The following PAPSS2 variants were observed in gnomAD, a reference collection of about 807,000 sequenced individuals.
PAPSS2 encodes 3'-phosphoadenosine 5'-phosphosulfate synthase 2.
PAPSS2 carries 61 observed loss-of-function variants against 66.5 expected under a neutral mutation model. The ratio of observed to expected loss-of-function variants is 0.92; its 90% CI spans 0.75 to 1.14. PAPSS2 has a LOEUF of 1.14. Ranked by LOEUF, PAPSS2 falls within the 50% of genes most tolerant of loss-of-function variation. The probability of loss-of-function intolerance (pLI) is 0.00; values close to 1 mark genes in which losing one functional copy is unlikely to be tolerated. For synonymous variants in PAPSS2, 289 were observed against 287.5 expected (o/e 1.01, Z -0.05); for missense variants, 708 against 789.6 (o/e 0.90, Z 1.24).
intron 3 of PAPSS2, 42 bp from the exon 4 acceptor site, chr10:87,714,002 C>A: frequency 6.2e-7 from 1 of 1,608,648 alleles, no homozygotes; most frequent in South Asian, 1.1e-5. Flanking sequence ...AGAATTTCAC[C>A]GTGAAACCTC....
intron 1 of PAPSS2, chr10:87,661,027 A>G (rs1476534679): frequency 1.9e-4 from 86 of 455,880 alleles, no homozygotes; most frequent in Non-Finnish European, 3.7e-4. Flanking sequence ...ACCTCTCTCT[A>G]GTAGATAGAC....
At chr10:87,717,637 A>G (rs1225888708) in intron 7 of PAPSS2, among the ~76,000 whole-genome samples, 1 of 152,132 alleles carries the variant, frequency 6.6e-6, no homozygotes, top group East Asian at 1.9e-4. Context: ...ATCATAGCTC[A>G]CTGAAGCCTT....
At chr10:87,675,790 T>C (rs1852936288) in intron 1 of PAPSS2, among the ~76,000 whole-genome samples, 1 of 152,152 alleles carries the variant, frequency 6.6e-6, no homozygotes, top group African/African-American at 2.4e-5. Context: ...TGGATCTGTG[T>C]TGGGGAATGG....
intron 9 of PAPSS2, among the ~76,000 whole-genome samples, chr10:87,730,252 TCA>T (rs1342868786): frequency 6.6e-6 from 1 of 152,108 alleles, no homozygotes; most frequent in African/African-American, 2.4e-5. Context: ...ACGGGGAAAA[TCA>T]CAGAGTGATT....
At chr10:87,725,848 A>G (rs912629875) in intron 8 of PAPSS2, among the ~76,000 whole-genome samples, 23 of 150,780 alleles carry the variant, frequency 1.5e-4, no homozygotes, top group Non-Finnish European at 1.9e-4. Flanking sequence ...AGTGCATGCC[A>G]ACATGTCCAG....
At chr10:87,668,775 C>T (rs1852842852) in intron 1 of PAPSS2, among the ~76,000 whole-genome samples, 1 of 151,746 alleles carries the variant, frequency 6.6e-6, no homozygotes, top group Non-Finnish European at 1.5e-5. Context: ...TGATATACAG[C>T]GTTAAGAGCT....
chr10:87,719,902 TTGAGACA>T (rs1403385236), intron 7 of PAPSS2, among the ~76,000 whole-genome samples: 1 of 152,196 alleles, frequency 6.6e-6, no homozygotes, highest in Non-Finnish European at 1.5e-5. Context: ...ATTTTATTTT[TTGAGACA>T]GAGTCTCGCT....
At chr10:87,669,222 A>T (rs1267992657) in intron 1 of PAPSS2, among the ~76,000 whole-genome samples, 1 of 152,242 alleles carries the variant, frequency 6.6e-6, no homozygotes, top group African/African-American at 2.4e-5. Context: ...TTGATTAGAT[A>T]GCATGCAATG....
chr10:87,717,694 C>T (rs535029029), intron 7 of PAPSS2, among the ~76,000 whole-genome samples: 1 of 152,078 alleles, frequency 6.6e-6, no homozygotes, highest in South Asian at 2.1e-4. Flanking sequence ...TCCTGGGTAG[C>T]TGGGACTACA....
intron 10 of PAPSS2, 115 bp from the exon 11 acceptor site, chr10:87,743,258 A>AT: frequency 6.3e-6 from 7 of 1,107,506 alleles, no homozygotes; most frequent in South Asian, 1.3e-5. Context: ...AAAAAAAAAA[A>AT]GCCAGTGGAT....
chr10:87,660,091 T>G (rs1589414459), intron 1 of PAPSS2, 83 bp downstream of exon 1: 1 of 1,399,784 alleles, frequency 7.1e-7, no homozygotes, highest in Non-Finnish European at 1.0e-6. Flanking sequence ...GGCACTTGGG[T>G]CCCACCCTCC....
rs2302404 is a variant in PAPSS2, at chr10:87,714,315, C to T, written c.520+133C>T. 0.08 allele frequency: 73,234 copies of T among 911,198 alleles called. 6,710 individuals carry two copies. The highest frequency in any genetic ancestry group is 0.42 in the East Asian group (16,923 of 40,588). 56.4% of individuals were successfully genotyped at this position (911,198 alleles called of 1,614,324 possible). A position where few individuals can be genotyped will look rare whatever the true frequency, so the allele number is the denominator to read the frequency against. ...GCATATAACATGCACAACTTTTTAT[C>T]AGATCATGATATATTCAGTATGCCC... On this transcript the variant is annotated intron_variant, in intron 4 of 12. Transcript: ENST00000456849.
chr10:87,697,339 G>A (rs999060256), intron 1 of PAPSS2, among the ~76,000 whole-genome samples: 3 of 152,192 alleles, frequency 2.0e-5, no homozygotes, highest in Non-Finnish European at 2.9e-5. Flanking sequence ...AAGGGGCAAC[G>A]AGGGGTCGGG....
chr10:87,713,361 G>A (rs1347874566), intron 3 of PAPSS2, 51 bp downstream of exon 3: 4 of 1,014,476 alleles, frequency 3.9e-6, no homozygotes, highest in African/African-American at 1.7e-5. Context: ...CCCACACACA[G>A]TGCAAGTGCT....
At chr10:87,703,020 C>G (rs887268175) in intron 1 of PAPSS2, among the ~76,000 whole-genome samples, 15 of 152,282 alleles carry the variant, frequency 9.9e-5, no homozygotes, top group Non-Finnish European at 1.8e-4. Flanking sequence ...TTCTGTGCCA[C>G]CAATGGGAGT....
chr10:87,679,897 G>A (rs1466918901), intron 1 of PAPSS2, among the ~76,000 whole-genome samples: 5 of 151,944 alleles, frequency 3.3e-5, no homozygotes, highest in East Asian at 1.9e-4. Flanking sequence ...ATGGTGGTGC[G>A]TGCCTGTAGT....
At chr10:87,710,010 T>G (rs1427541019) in intron 2 of PAPSS2, among the ~76,000 whole-genome samples, 1 of 152,174 alleles carries the variant, frequency 6.6e-6, no homozygotes, top group Non-Finnish European at 1.5e-5. Context: ...GCTGTTACCT[T>G]GTACTCTGAG....
chr10:87,670,871 G>A (rs1282728756), intron 1 of PAPSS2, among the ~76,000 whole-genome samples: 1 of 152,168 alleles, frequency 6.6e-6, no homozygotes, highest in Non-Finnish European at 1.5e-5. Context: ...TTGAGGCTGT[G>A]ACTCAAAAAG....
chr10:87,711,747 C>G (rs1320914701), intron 2 of PAPSS2, among the ~76,000 whole-genome samples: 2 of 152,142 alleles, frequency 1.3e-5, no homozygotes, highest in African/African-American at 2.4e-5. Context: ...CACCTTCCCC[C>G]CCACCCAAAT....
Sources: allele counts gnomAD v4.1 joint callset (sites outside exome capture counted in the v4.1 genomes callset), GRCh38; gene constraint gnomAD v4.1.1; transcripts MANE v1.5; gene names NCBI Gene and HGNC (gene_info 2026-07-23, HGNC 2026-07-21).